Variants in OSBPL10 observed in about 807,000 individuals in gnomAD.
OSBPL10 encodes oxysterol binding protein like 10, also known as oxysterol-binding protein-related protein 10.
OSBPL10 carries 49 observed loss-of-function variants against 81.7 expected under a neutral mutation model. The observed-to-expected ratio is 0.60, with a 90% CI of 0.48 to 0.76. OSBPL10 has a LOEUF of 0.76. OSBPL10 is among the 30% of genes least tolerant of loss of function. The pLI, the probability that OSBPL10 is intolerant of heterozygous loss-of-function variation, is 0.00. For synonymous variants in OSBPL10, 419 were observed against 383.6 expected (o/e 1.09, Z -1.08); for missense variants, 923 against 987.8 (o/e 0.93, Z 0.88).
chr3:31,687,467 T>TA (rs1372520903), intron 7 of OSBPL10, among the ~76,000 whole-genome samples: 1 of 146,114 alleles, frequency 6.8e-6, no homozygotes, highest in Non-Finnish European at 1.5e-5. Context: ...GCTGAAGGAT[T>TA]TAAAAAAAAA....
intron 3 of OSBPL10, among the ~76,000 whole-genome samples, chr3:31,859,330 T>TA (rs1408803711): frequency 6.6e-6 from 1 of 152,206 alleles, no homozygotes; most frequent in East Asian, 1.9e-4. Flanking sequence ...CAGGAGGCTC[T>TA]AGGAGGGTGA....
At chr3:31,780,454 GAAAT>G (rs1460087108) in intron 4 of OSBPL10, among the ~76,000 whole-genome samples, 1 of 144,828 alleles carries the variant, frequency 6.9e-6, no homozygotes, top group African/African-American at 2.6e-5. Context: ...CCCAGCAGAA[GAAAT>G]AAAAAAGATC....
intron 2 of OSBPL10, among the ~76,000 whole-genome samples, chr3:32,043,212 C>A (rs1186615266): frequency 6.6e-6 from 1 of 152,202 alleles, no homozygotes; most frequent in African/African-American, 2.4e-5. Context: ...ATATTCCTTG[C>A]TAGGAAAAGA....
intron 6 of OSBPL10, among the ~76,000 whole-genome samples, chr3:31,716,313 A>T (rs1014742300): frequency 4.6e-5 from 7 of 152,182 alleles, no homozygotes; most frequent in Non-Finnish European, 1.0e-4. Context: ...CCAACTTCAT[A>T]CTTTTTGTTT....
chr3:31,709,426 T>C (rs1480495081), intron 6 of OSBPL10: 1 of 152,068 alleles, frequency 6.6e-6, no homozygotes, highest in Non-Finnish European at 1.5e-5. Flanking sequence ...GCATTTGTCA[T>C]CAGCCAAGAT....
intron 1 of OSBPL10, among the ~76,000 whole-genome samples, chr3:32,058,030 A>G (rs1249659969): frequency 6.6e-6 from 1 of 152,240 alleles, no homozygotes; most frequent in Non-Finnish European, 1.5e-5. Context: ...TGGCACTATC[A>G]GGAAATGAAG....
intron 9 of OSBPL10, 69 bp from the exon 10 acceptor site, chr3:31,668,893 C>A: frequency 7.5e-7 from 1 of 1,337,258 alleles, no homozygotes. Context: ...AAGGTACACC[C>A]ATCTCTAGAG....
chr3:31,895,651 A>G (rs1346646367), intron 1 of OSBPL10, among the ~76,000 whole-genome samples: 1 of 152,016 alleles, frequency 6.6e-6, no homozygotes, highest in Non-Finnish European at 1.5e-5. Flanking sequence ...AAGCTGTTTG[A>G]CTCTTCCTGT....
intron 1 of OSBPL10, among the ~76,000 whole-genome samples, chr3:31,918,319 T>C (rs894941834): frequency 1.8e-5 from 2 of 113,262 alleles, no homozygotes; most frequent in African/African-American, 7.1e-5. Context: ...CTGGAGTTGT[T>C]TTTTCTTTTC....
chr3:31,856,721 A>G (rs1319438597), intron 3 of OSBPL10, among the ~76,000 whole-genome samples: 1 of 152,250 alleles, frequency 6.6e-6, no homozygotes, highest in African/African-American at 2.4e-5. Context: ...TTATCAGGCT[A>G]GTGTATTGTT....
intron 3 of OSBPL10, among the ~76,000 whole-genome samples, chr3:31,833,863 C>T (rs776622198): frequency 6.6e-6 from 1 of 152,116 alleles, no homozygotes; most frequent in African/African-American, 2.4e-5. Context: ...ATCAGATTCA[C>T]CCAAGAGCAA....
chr3:31,933,192 G>T (rs1260709462), intron 1 of OSBPL10, among the ~76,000 whole-genome samples: 1 of 152,012 alleles, frequency 6.6e-6, no homozygotes, highest in Non-Finnish European at 1.5e-5. Flanking sequence ...TTATTGTCAG[G>T]CCATCACCAG....
At chr3:32,059,828 A>G (rs956930290) in intron 1 of OSBPL10, among the ~76,000 whole-genome samples, 1 of 141,380 alleles carries the variant, frequency 7.1e-6, no homozygotes, top group Non-Finnish European at 1.6e-5. Flanking sequence ...GGGTGGATTG[A>G]TTGAGCCCAG....
intron 4 of OSBPL10, among the ~76,000 whole-genome samples, chr3:31,816,182 G>A (rs929638495): frequency 6.6e-6 from 1 of 152,212 alleles, no homozygotes; most frequent in African/African-American, 2.4e-5. Flanking sequence ...CCCAGAGCGG[G>A]TAGGTCTACG....
At chr3:31,681,858 T>G (rs1700658568) in intron 8 of OSBPL10, among the ~76,000 whole-genome samples, 1 of 152,306 alleles carries the variant, frequency 6.6e-6, no homozygotes. Flanking sequence ...CCAGCTTGCA[T>G]ACACAATTGC....
intron 1 of OSBPL10, among the ~76,000 whole-genome samples, chr3:31,966,691 C>A (rs1018470185): frequency 2.7e-5 from 4 of 150,922 alleles, no homozygotes; most frequent in Non-Finnish European, 5.9e-5. Flanking sequence ...TGGATCACTT[C>A]TTTAAAAAGC....
intron 1 of OSBPL10, among the ~76,000 whole-genome samples, chr3:31,885,885 C>T (rs1373577128): frequency 6.7e-6 from 1 of 148,342 alleles, no homozygotes; most frequent in Non-Finnish European, 1.5e-5. Flanking sequence ...ATCCTAGCTA[C>T]TTGAGAGGCT....
chr3:31,972,892 A>G (rs57417011), intron 1 of OSBPL10, among the ~76,000 whole-genome samples: 4,384 of 152,278 alleles, frequency 0.029, 214 homozygotes, highest in African/African-American at 0.099. Context: ...GCCTTCTCTG[A>G]CCTTCAAGGA....
intron 4 of OSBPL10, among the ~76,000 whole-genome samples, chr3:31,764,128 T>C (rs1409118602): frequency 6.6e-6 from 1 of 152,264 alleles, no homozygotes; most frequent in Non-Finnish European, 1.5e-5. Context: ...CACCTGCATT[T>C]AGAACTGCTT....
Sources: gnomAD v4.1 joint callset for allele counts (sites outside exome capture counted in the v4.1 genomes callset) on GRCh38, gnomAD v4.1.1 for gene constraint, MANE v1.5 for transcripts, NCBI Gene and HGNC (gene_info 2026-07-23, HGNC 2026-07-21) for gene names.